The following SLC16A10 variants were observed in gnomAD, a reference collection of about 807,000 sequenced individuals.
SLC16A10 encodes monocarboxylate transporter 10.
Under a neutral mutation model 40.0 loss-of-function variants are expected in SLC16A10, and 27 were observed. The observed-to-expected ratio is 0.67, with a 90% CI of 0.50 to 0.93. The LOEUF is 0.93. Ranked by LOEUF, SLC16A10 falls within the 40% of genes least tolerant of loss-of-function variation. The probability of loss-of-function intolerance (pLI) is 0.00; values close to 1 mark genes in which losing one functional copy is unlikely to be tolerated. For missense variants in SLC16A10, 529 were observed against 658.2 expected, an observed-to-expected ratio of 0.80 and a Z score of 2.15; for synonymous variants, 213 against 249.8, an observed-to-expected ratio of 0.85 and a Z score of 1.39.
intron 4 of SLC16A10, 84 bp downstream of exon 4, chr6:111,206,819 C>CTT: frequency 2.1e-6 from 3 of 1,415,382 alleles, no homozygotes; most frequent in Non-Finnish European, 2.9e-6. Context: ...TGCTTAAATT[C>CTT]TTTTTTTTTC....
intron 3 of SLC16A10, among the ~76,000 whole-genome samples, chr6:111,193,129 G>A (rs1773024317): frequency 6.6e-6 from 1 of 152,166 alleles, no homozygotes; most frequent in Non-Finnish European, 1.5e-5. Flanking sequence ...TGGGATTACA[G>A]ATGTGAGCCA....
intron 1 of SLC16A10, 99 bp downstream of exon 1, chr6:111,088,194 C>T: frequency 1.6e-6 from 2 of 1,242,992 alleles, no homozygotes; most frequent in South Asian, 1.4e-5. Context: ...GTGTGCATGT[C>T]GGTGGGTCCC....
intron 4 of SLC16A10, among the ~76,000 whole-genome samples, chr6:111,210,326 A>C (rs1250460063): frequency 6.6e-6 from 1 of 152,234 alleles, no homozygotes; most frequent in Non-Finnish European, 1.5e-5. Context: ...CTGGTCACAC[A>C]GCTAGAAGGA....
At chr6:111,171,124 G>A (rs552194150) in intron 1 of SLC16A10, among the ~76,000 whole-genome samples, 5 of 152,180 alleles carry the variant, frequency 3.3e-5, no homozygotes, top group South Asian at 2.1e-4. Flanking sequence ...GTGACACAGC[G>A]AGACCCTGTC....
chr6:111,096,875 G>A (rs1053256831), intron 1 of SLC16A10, among the ~76,000 whole-genome samples: 25 of 152,062 alleles, frequency 1.6e-4, no homozygotes, highest in African/African-American at 6.0e-4. Flanking sequence ...CTGGAGTGCA[G>A]TCAGTGATGT....
chr6:111,113,947 G>A (rs1343420797), intron 1 of SLC16A10, among the ~76,000 whole-genome samples: 3 of 152,152 alleles, frequency 2.0e-5, no homozygotes, highest in Non-Finnish European at 4.4e-5. Flanking sequence ...GGGCCCTGGA[G>A]CAGCAACAGC....
intron 5 of SLC16A10, among the ~76,000 whole-genome samples, chr6:111,220,612 G>A (rs935604509): frequency 6.6e-6 from 1 of 152,186 alleles, no homozygotes; most frequent in African/African-American, 2.4e-5. Context: ...AGTTCAAAAG[G>A]TCATGGTCTC....
chr6:111,177,825 T>A, intron 3 of SLC16A10, 160 bp downstream of exon 3: 2 of 603,704 alleles, frequency 3.3e-6, no homozygotes, highest in Non-Finnish European at 5.5e-6. Flanking sequence ...TGTCAGCACA[T>A]CCATTAGACC....
At position 111,087,935 on chromosome 6, in the gene SLC16A10, C is replaced by T; in HGVS notation, c.183C>T (p.Pro61=). The T allele has an allele frequency of 1.9e-6, 3 of 1,606,320 alleles. No individual in the cohort carries two copies. The highest frequency in any genetic ancestry group is 2.2e-5 in the South Asian group (2 of 89,894). The change falls in exon 1 of 6, where the codon CCC becomes CCT. Residue 61 remains proline, a synonymous_variant. Transcript: ENST00000368851. The part of the protein sequence containing the change: ...AGPATAEPHE[P]PEPPEGGWGW... ...CGGCGACCGCGGAGCCCCATGAGCC[C>T]CCCGAACCCCCCGAGGGCGGCTGGG...
chr6:111,221,185 A>G (rs17606481), intron 5 of SLC16A10, among the ~76,000 whole-genome samples: 15,417 of 152,238 alleles, frequency 0.1, 1,031 homozygotes, highest in Middle Eastern at 0.18. Context: ...GATAACTTTT[A>G]AAACCATGAG....
intron 3 of SLC16A10, among the ~76,000 whole-genome samples, chr6:111,203,253 A>C (rs1773201245): frequency 6.6e-6 from 1 of 152,236 alleles, no homozygotes; most frequent in Non-Finnish European, 1.5e-5. Flanking sequence ...AGAACATACC[A>C]GACCTCCTGG....
At position 111,140,442 on chromosome 6, in the gene SLC16A10, G is replaced by A. The variant is rs150216479; in HGVS notation, c.344-32253G>A. The stretch of plus-strand genomic sequence containing the variant: ...CATGCCACTGCACTCCAGCCTGGGC[G>A]ACACAGCAAGACCCTGTCTCCAAAA... On this transcript the variant is annotated intron_variant, in intron 1 of 5. Coordinates refer to ENST00000368851, the MANE Select transcript of SLC16A10 (RefSeq NM_018593.5). Among the ~76,000 whole-genome samples the A allele has an allele frequency of 4.6e-3, 696 of 151,488 alleles. 4 individuals are homozygous for A. The highest frequency in any genetic ancestry group is 7.5e-3 in the Non-Finnish European group (510 of 67,856).
At chr6:111,136,970 A>G (rs1029287724) in intron 1 of SLC16A10, among the ~76,000 whole-genome samples, 1 of 152,258 alleles carries the variant, frequency 6.6e-6, no homozygotes, top group Non-Finnish European at 1.5e-5. Context: ...GGGAACCCCT[A>G]TCAAACATCA....
intron 3 of SLC16A10, among the ~76,000 whole-genome samples, chr6:111,199,827 T>TAAAAA (rs35253168): frequency 1.3e-5 from 2 of 148,836 alleles, no homozygotes; most frequent in Non-Finnish European, 1.5e-5. Flanking sequence ...CAGGGAAATT[T>TAAAAA]AAAAAAAAAA....
intron 4 of SLC16A10, among the ~76,000 whole-genome samples, chr6:111,215,865 A>G (rs1773413635): frequency 6.6e-6 from 1 of 152,098 alleles, no homozygotes; most frequent in Non-Finnish European, 1.5e-5. Context: ...TTAGCCGGGC[A>G]TAGTGGCATG....
intron 5 of SLC16A10, among the ~76,000 whole-genome samples, chr6:111,219,563 G>A (rs976715895): frequency 6.6e-5 from 10 of 151,760 alleles, no homozygotes; most frequent in African/African-American, 2.4e-4. Flanking sequence ...TTCTAAATAT[G>A]TCGGCTTTTG....
intron 3 of SLC16A10, among the ~76,000 whole-genome samples, chr6:111,193,045 G>T (rs1194818623): frequency 1.3e-5 from 2 of 151,950 alleles, no homozygotes; most frequent in Admixed American, 1.3e-4. Flanking sequence ...TTGAGATGAA[G>T]TCTCACTATG....
chr6:111,219,470 G>T (rs1250447788), intron 5 of SLC16A10, among the ~76,000 whole-genome samples: 1 of 151,962 alleles, frequency 6.6e-6, no homozygotes, highest in Non-Finnish European at 1.5e-5. Context: ...CAAGGCTGCA[G>T]TGAGCTGTGA....
At chr6:111,195,855 A>G (rs1481227130) in intron 3 of SLC16A10, among the ~76,000 whole-genome samples, 3 of 152,122 alleles carry the variant, frequency 2.0e-5, no homozygotes, top group African/African-American at 7.2e-5. Context: ...CTGTCCTCCT[A>G]CCAGGGTGTG....
Sources: gnomAD v4.1 joint callset for allele counts (sites outside exome capture counted in the v4.1 genomes callset) on GRCh38, gnomAD v4.1.1 for gene constraint, MANE v1.5 for transcripts, NCBI Gene and HGNC (gene_info 2026-07-23, HGNC 2026-07-21) for gene names.